RASEF: variants seen among roughly 807,000 people sequenced by gnomAD.
RASEF encodes the protein ras and EF-hand domain-containing protein.
In RASEF, 68 loss-of-function variants were observed where a neutral mutation model predicts 90.1. That is an observed-to-expected ratio of 0.75 (90% confidence interval 0.62 to 0.92). RASEF has a LOEUF of 0.92. Ranked by LOEUF, RASEF falls within the 40% of genes least tolerant of loss-of-function variation. RASEF has a pLI of 0.00. For missense variants in RASEF, 949 were observed against 937.2 expected (o/e 1.01, Z -0.16); for synonymous variants, 331 against 345.2 (o/e 0.96, Z 0.46).
chr9:83,025,357 T>C (rs1292083302), intron 2 of RASEF, among the ~76,000 whole-genome samples: 1 of 152,126 alleles, frequency 6.6e-6, no homozygotes, highest in Non-Finnish European at 1.5e-5. Flanking sequence ...GTGAAGATAT[T>C]CATCCTCATT....
chr9:83,158,093 T>C, the RASEF span, among the ~76,000 whole-genome samples: 1 of 152,184 alleles, frequency 6.6e-6, no homozygotes, highest in Non-Finnish European at 1.5e-5. Flanking sequence ...TCCACGTTTT[T>C]CTGTACATGT....
chr9:83,170,184 G>A, the RASEF span, among the ~76,000 whole-genome samples: 1 of 151,984 alleles, frequency 6.6e-6, no homozygotes, highest in Non-Finnish European at 1.5e-5. Flanking sequence ...TGAAGAGACT[G>A]TGCTTTCCCC....
chr9:83,011,292 C>T lies in RASEF; in HGVS notation c.843+1142G>A, dbSNP rs1170128218. 7.9e-5 allele frequency among the ~76,000 whole-genome samples: 12 copies of T among 152,186 alleles called. No homozygotes were observed. In the South Asian group the frequency reaches 1.7e-3, roughly 21 times the overall value. ...AAATTTTGCCAGGTGCGGTGGCTCACGCCTATAATCCCAGCACTTTGGGAG... is the reference window on the plus strand; with the variant it reads ...AAATTTTGCCAGGTGCGGTGGCTCATGCCTATAATCCCAGCACTTTGGGAG... On this transcript the variant is annotated intron_variant, in intron 5 of 16. Transcript: ENST00000376447.
chr9:83,063,009 C>T lies in RASEF; in HGVS notation c.-142G>A, dbSNP rs1830245765. ...CTGGTTCGGCCACTTGAGGGAACGT[C>T]GGGCGGGGCGAGGAACGTCGGGGGT... On this transcript the variant is annotated 5_prime_UTR_variant, in exon 1 of 17. Transcript: ENST00000376447. 6.6e-6 allele frequency: 6 copies of T among 905,502 alleles called. No homozygotes were observed. Among genetic ancestry groups the T allele is most frequent in the Non-Finnish European group, 9.2e-6 (6 of 653,830 alleles). The allele number at this position is 905,502 out of a possible 1,614,324, so 56.1% of individuals were successfully genotyped here.
chr9:83,099,867 C>T, the RASEF span, among the ~76,000 whole-genome samples: 1 of 152,194 alleles, frequency 6.6e-6, no homozygotes, highest in Non-Finnish European at 1.5e-5. Context: ...AAGTGCTTAT[C>T]CCATATTATG....
the RASEF span, among the ~76,000 whole-genome samples, chr9:83,119,271 G>A: frequency 1.3e-5 from 2 of 150,400 alleles, no homozygotes; most frequent in African/African-American, 2.5e-5. Context: ...CACTTGCCTC[G>A]GCCTCCCAAA....
At chr9:83,091,160 T>C in the RASEF span, among the ~76,000 whole-genome samples, 1 of 152,042 alleles carries the variant, frequency 6.6e-6, no homozygotes, top group South Asian at 2.1e-4. Flanking sequence ...CAGTCATGAG[T>C]GTTTGGTTTT....
At chr9:82,991,849 T>TTTCAAA (rs1828821288) in intron 15 of RASEF, among the ~76,000 whole-genome samples, 1 of 152,232 alleles carries the variant, frequency 6.6e-6, no homozygotes. Flanking sequence ...AAAGTATCTG[T>TTTCAAA]GTGAGACCAT....
intron 13 of RASEF, among the ~76,000 whole-genome samples, chr9:82,998,033 T>C (rs1828953438): frequency 6.6e-6 from 1 of 152,174 alleles, no homozygotes; most frequent in Non-Finnish European, 1.5e-5. Context: ...CATCATTTAT[T>C]GTTCTATAGC....
chr9:83,171,820 G>T, the RASEF span, among the ~76,000 whole-genome samples: 1 of 151,540 alleles, frequency 6.6e-6, no homozygotes, highest in Non-Finnish European at 1.5e-5. Context: ...TTCTTTGTTA[G>T]TCTAGTTAGT....
intron 15 of RASEF, 93 bp from the exon 16 acceptor site, chr9:82,990,560 C>T: frequency 1.2e-6 from 1 of 858,828 alleles, no homozygotes; most frequent in Admixed American, 2.0e-5. Context: ...AAATATGTTC[C>T]TACTGAGCAT....
the RASEF span, among the ~76,000 whole-genome samples, chr9:83,151,027 C>A: frequency 6.6e-6 from 1 of 151,724 alleles, no homozygotes; most frequent in Non-Finnish European, 1.5e-5. Context: ...TAAAAATGAA[C>A]TAATTTGAAG....
At chr9:83,158,627 T>A in the RASEF span, among the ~76,000 whole-genome samples, 2 of 108,738 alleles carry the variant, frequency 1.8e-5, no homozygotes, top group Admixed American at 9.9e-5. Context: ...TATATGTACA[T>A]ATGTATATAT....
At chr9:83,198,549 C>G in the RASEF span, among the ~76,000 whole-genome samples, 1 of 152,148 alleles carries the variant, frequency 6.6e-6, no homozygotes, top group Non-Finnish European at 1.5e-5. Flanking sequence ...AAGGCAGCAC[C>G]ACAGGGAGAT....
At chr9:83,010,286 G>A (rs928137006) in intron 5 of RASEF, among the ~76,000 whole-genome samples, 1 of 152,156 alleles carries the variant, frequency 6.6e-6, no homozygotes, top group African/African-American at 2.4e-5. Flanking sequence ...GATGGTGGAT[G>A]GAGCACATGA....
chr9:83,061,598 C>T (rs1830200478), intron 1 of RASEF, among the ~76,000 whole-genome samples: 1 of 152,130 alleles, frequency 6.6e-6, no homozygotes, highest in Admixed American at 6.5e-5. Context: ...GCAAACGAAA[C>T]TCAAAAAGAA....
At chr9:83,017,369 A>G (rs10867924) in intron 3 of RASEF, among the ~76,000 whole-genome samples, 82,650 of 148,890 alleles carry the variant, frequency 0.56, 23,412 homozygotes, top group East Asian at 0.78. Context: ...GTGTGGTGGC[A>G]GGCGCCTGTT....
chr9:83,072,433 A>C, the RASEF span, among the ~76,000 whole-genome samples: 785 of 152,316 alleles, frequency 5.2e-3, 3 homozygotes, highest in African/African-American at 0.018. Context: ...AGATGTATAT[A>C]TGAAAGGGAG....
At chr9:83,136,899 T>G in the RASEF span, among the ~76,000 whole-genome samples, 2 of 152,226 alleles carry the variant, frequency 1.3e-5, no homozygotes, top group Non-Finnish European at 2.9e-5. Flanking sequence ...ATGAACTGTT[T>G]AAACATGTCT....
Sources: gnomAD v4.1 joint callset for allele counts (sites outside exome capture counted in the v4.1 genomes callset) on GRCh38, gnomAD v4.1.1 for gene constraint, MANE v1.5 for transcripts, NCBI Gene and HGNC (gene_info 2026-07-23, HGNC 2026-07-21) for gene names.